Variants in COL4A6 observed in about 807,000 individuals in gnomAD.
COL4A6 encodes collagen type IV alpha 6 chain, also known as collagen alpha-6(IV) chain.
In COL4A6, 59 loss-of-function variants were observed where a neutral mutation model predicts 126.7. The ratio of observed to expected loss-of-function variants is 0.47; its 90% CI spans 0.38 to 0.58. The LOEUF (loss-of-function observed/expected upper bound fraction) is 0.58, where lower values mean the gene tolerates loss of function less well. Ranked by LOEUF, COL4A6 falls within the 20% of genes least tolerant of loss-of-function variation. The pLI, the probability that COL4A6 is intolerant of heterozygous loss-of-function variation, is 0.00. For synonymous variants in COL4A6, 547 were observed against 496.6 expected (o/e 1.10, Z -1.35); for missense variants, 1,285 against 1,337.3 (o/e 0.96, Z 0.61).
At chrX:108,333,617 A>T (rs961140695) in intron 2 of COL4A6, among the ~76,000 whole-genome samples, 1 of 111,895 alleles carries the variant, frequency 8.9e-6, no homozygotes, top group Non-Finnish European at 1.9e-5. Flanking sequence ...GAAAAGAGAA[A>T]GTCAAATTAT....
intron 3 of COL4A6, among the ~76,000 whole-genome samples, chrX:108,300,285 A>G (rs1029743507): frequency 9.0e-6 from 1 of 111,405 alleles, no homozygotes; most frequent in African/African-American, 3.3e-5. Context: ...TTTTTTAAAA[A>G]TTAAAATGTC....
rs184023862 is a variant in COL4A6 at position 108,339,276 on chromosome X, T to C, written c.64-28448A>G. On this transcript the variant is annotated intron_variant, in intron 2 of 44. Coordinates refer to ENST00000334504, the MANE Select transcript of COL4A6 (RefSeq NM_033641.4). ...ACATTCCTGCTGGCTTTTAAGTTTA[T>C]AGAAATAACTCTACAATTAACTGAA... Among the ~76,000 whole-genome samples the C allele has an allele frequency of 4.4e-5, 5 of 112,440 alleles. No homozygotes were observed. In the East Asian group the frequency reaches 1.4e-3, roughly 32 times the overall value.
chrX:108,371,898 A>T (rs1341545344), intron 2 of COL4A6, among the ~76,000 whole-genome samples: 1 of 108,774 alleles, frequency 9.2e-6, no homozygotes, highest in Non-Finnish European at 1.9e-5. Context: ...GACCTGGGAA[A>T]GAAGAGTGTG....
chrX:108,165,630 T>G (rs1297201270), intron 37 of COL4A6, 144 bp from the exon 38 acceptor site: 7 of 398,321 alleles, frequency 1.8e-5, no homozygotes, highest in Non-Finnish European at 3.0e-5. Context: ...CAGAGGGCTC[T>G]TCTTCCCTAA....
chrX:108,195,066 A>G lies in COL4A6; in HGVS notation c.948+16T>C, dbSNP rs1374442287. ...GATTTTATACCCCAAGGCTTTAATG[A>G]TATTAACCAAAATACCTGTTGCCCT... On this transcript the variant is annotated intron_variant, in intron 15 of 44. Coordinates refer to ENST00000334504, the MANE Select transcript of COL4A6 (RefSeq NM_033641.4). 4 of 1,190,946 alleles carry G rather than the reference A, an allele frequency of 3.4e-6. No homozygotes were observed. In the South Asian group the frequency reaches 7.3e-5, roughly 22 times the overall value.
intron 2 of COL4A6, among the ~76,000 whole-genome samples, chrX:108,325,668 C>T (rs1476271741): frequency 9.0e-6 from 1 of 111,188 alleles, no homozygotes; most frequent in Non-Finnish European, 1.9e-5. Flanking sequence ...AACTTCTTAA[C>T]AAAAATTCAC....
At chrX:108,399,856 G>A (rs2041047409) in intron 2 of COL4A6, among the ~76,000 whole-genome samples, 2 of 111,517 alleles carry the variant, frequency 1.8e-5, no homozygotes, top group African/African-American at 6.5e-5. Flanking sequence ...AGATCACACT[G>A]AATTGTAAAC....
At chrX:108,181,787 G>C (rs2034693900) in intron 23 of COL4A6, among the ~76,000 whole-genome samples, 1 of 111,814 alleles carries the variant, frequency 8.9e-6, no homozygotes, top group African/African-American at 3.3e-5. Flanking sequence ...TAAAATACTG[G>C]TGAACAAATT....
chrX:108,394,952 T>TA (rs1166612018), intron 2 of COL4A6, among the ~76,000 whole-genome samples: 5 of 111,261 alleles, frequency 4.5e-5, no homozygotes, highest in Admixed American at 3.8e-4. Context: ...GTTTTTTTTT[T>TA]ATATTTCATT....
chrX:108,400,262 C>T (rs1355898609), intron 2 of COL4A6, among the ~76,000 whole-genome samples: 1 of 111,229 alleles, frequency 9.0e-6, no homozygotes, highest in African/African-American at 3.3e-5. Context: ...CTTTCCTTCC[C>T]TCTCTCCTCG....
At chrX:108,372,612 G>C (rs1017486004) in intron 2 of COL4A6, among the ~76,000 whole-genome samples, 27 of 111,649 alleles carry the variant, frequency 2.4e-4, no homozygotes, top group African/African-American at 7.8e-4. Context: ...GGGGGTTGCT[G>C]TTGTGTAAAC....
chrX:108,341,263 T>A (rs1799628379), intron 2 of COL4A6, among the ~76,000 whole-genome samples: 1 of 111,642 alleles, frequency 9.0e-6, no homozygotes, highest in African/African-American at 3.3e-5. Context: ...CAGCTTCTAA[T>A]TTGTGATTCA....
At chrX:108,170,949 G>A in intron 33 of COL4A6, 32 bp from the exon 34 acceptor site, 1 of 1,122,654 alleles carries the variant, frequency 8.9e-7, no homozygotes, top group Non-Finnish European at 1.2e-6. Flanking sequence ...TGAGTGATTA[G>A]GCCATATTTC....
At chrX:108,267,419 C>G (rs1029436021) in intron 3 of COL4A6, among the ~76,000 whole-genome samples, 9 of 112,196 alleles carry the variant, frequency 8.0e-5, no homozygotes, top group Non-Finnish European at 1.7e-4. Context: ...GAAGGGGAAG[C>G]ATTATTCTGC....
intron 3 of COL4A6, among the ~76,000 whole-genome samples, chrX:108,287,248 G>A (rs1399404637): frequency 2.7e-5 from 3 of 112,066 alleles, no homozygotes; most frequent in African/African-American, 9.7e-5. Context: ...TATAATCTGT[G>A]TTATTTCTGG....
intron 2 of COL4A6, among the ~76,000 whole-genome samples, chrX:108,381,339 T>C (rs1422962559): frequency 8.9e-6 from 1 of 111,946 alleles, no homozygotes; most frequent in African/African-American, 3.2e-5. Flanking sequence ...CACTGCCATA[T>C]GGGAAAGCAG....
At chrX:108,407,503 A>G (rs2041230191) in intron 2 of COL4A6, among the ~76,000 whole-genome samples, 1 of 112,441 alleles carries the variant, frequency 8.9e-6, no homozygotes, top group African/African-American at 3.2e-5. Context: ...ATAATCTAAG[A>G]AATATTTTTT....
In COL4A6 at chrX:108,232,940, G is replaced by A. The variant is rs1267275210; in HGVS notation, c.145-11566C>T. 3.6e-5 allele frequency among the ~76,000 whole-genome samples: 4 copies of A among 111,567 alleles called. No individual in the cohort carries two copies. In the East Asian group the frequency reaches 8.4e-4, roughly 24 times the overall value. On this transcript the variant is annotated intron_variant, in intron 3 of 44. Coordinates refer to ENST00000334504, the MANE Select transcript of COL4A6 (RefSeq NM_033641.4). ...CCTCATTTGCTAGACTCATGAGGCC[G>A]TAAACCCTCAAGGAAGAGCTTTCAG...
At chrX:108,297,970 CCACACACACA>C (rs755481604) in intron 3 of COL4A6, among the ~76,000 whole-genome samples, 12 of 105,402 alleles carry the variant, frequency 1.1e-4, no homozygotes, top group African/African-American at 3.8e-4. Flanking sequence ...AGTACACACA[CCACACACACA>C]CACACACACA....
Sources: allele counts gnomAD v4.1 joint callset (sites outside exome capture counted in the v4.1 genomes callset), GRCh38; gene constraint gnomAD v4.1.1; transcripts MANE v1.5; gene names NCBI Gene and HGNC (gene_info 2026-07-23, HGNC 2026-07-21).